The following PKHD1 variants were observed in gnomAD, a reference collection of about 807,000 sequenced individuals.
The protein encoded by PKHD1 is fibrocystin.
Under a neutral mutation model 412.0 loss-of-function variants are expected in PKHD1, and 291 were observed. The ratio of observed to expected loss-of-function variants is 0.71; its 90% CI spans 0.64 to 0.78. PKHD1 has a LOEUF of 0.78. Among genes scored for constraint, PKHD1 ranks in the 30% least tolerant of loss-of-function variants. PKHD1 has a pLI of 0.00. For synonymous variants in PKHD1, 1,777 were observed against 1,821.5 expected, an observed-to-expected ratio of 0.98 and a Z score of 0.62; for missense variants, 4,825 against 4,950.7, an observed-to-expected ratio of 0.97 and a Z score of 0.76.
chr6:51,780,179 A>T (rs955916848), intron 53 of PKHD1, among the ~76,000 whole-genome samples: 2 of 152,152 alleles, frequency 1.3e-5, no homozygotes, highest in Non-Finnish European at 2.9e-5. Context: ...CAAGGTCAAG[A>T]GATCTAGACC....
In PKHD1 at chr6:51,909,339, A is replaced by G. The variant is rs757627773; in HGVS notation, c.6626T>C (p.Leu2209Ser). 27 of 1,613,422 alleles carry G rather than the reference A, an allele frequency of 1.7e-5. No individual in the cohort carries two copies. Among genetic ancestry groups the G allele is most frequent in the Non-Finnish European group, 2.1e-5 (25 of 1,179,650 alleles). Residue 2209 changes from leucine to serine, a missense_variant, in exon 40 of 67, where the codon TTG becomes TCG. By Grantham distance (145) the Leu-to-Ser change is moderately radical (BLOSUM62 -2). Coordinates refer to ENST00000371117, the MANE Select transcript of PKHD1 (RefSeq NM_138694.4). ...VQLKGVQFQV[L>S]GQAFHKHLSS... ...CAGATGCTTATGGAAGGCTTGCCCC[A>G]AGACTTGAAACTGCACTCCCTTCAA...
intron 35 of PKHD1, among the ~76,000 whole-genome samples, chr6:51,996,291 G>T (rs1447086669): frequency 6.6e-6 from 1 of 150,762 alleles, no homozygotes; most frequent in Non-Finnish European, 1.5e-5. Context: ...TTACAGGCAT[G>T]AGCCACCGCT....
intron 50 of PKHD1, among the ~76,000 whole-genome samples, chr6:51,843,486 GA>G (rs34060761): frequency 6.6e-6 from 1 of 152,218 alleles, no homozygotes; most frequent in East Asian, 1.9e-4. Flanking sequence ...AACATCCTTG[GA>G]AAAAAACAGC....
chr6:51,930,347 T>TCAGA (rs10691518), intron 37 of PKHD1, among the ~76,000 whole-genome samples: 5 of 151,506 alleles, frequency 3.3e-5, no homozygotes, highest in African/African-American at 1.2e-4. Flanking sequence ...TCATCTACTC[T>TCAGA]CAAACAGAAA....
rs574176445 is a variant in PKHD1, at chr6:51,852,280, T to C, written c.7911+3613A>G. On this transcript the variant is annotated intron_variant, in intron 49 of 66. Transcript: ENST00000371117. ...GGTCTGAGAGACTGTTTGTTATTAT[T>C]TCAGTTATTTTGCATTTGCTGAGGA... Among the ~76,000 whole-genome samples, 300 of 152,328 alleles carry C rather than the reference T, an allele frequency of 2.0e-3. 1 individual carries two copies. Among genetic ancestry groups the C allele is most frequent in the African/African-American group, 6.8e-3 (284 of 41,570 alleles).
intron 55 of PKHD1, among the ~76,000 whole-genome samples, chr6:51,758,835 A>G (rs541601958): frequency 2.6e-4 from 39 of 152,328 alleles, no homozygotes; most frequent in Non-Finnish European, 4.6e-4. Flanking sequence ...TTATTTACAG[A>G]GAATTTAAAA....
chr6:51,666,773 C>CTA (rs1773876569), intron 60 of PKHD1, among the ~76,000 whole-genome samples: 1 of 149,486 alleles, frequency 6.7e-6, no homozygotes, highest in South Asian at 2.1e-4. Context: ...CAATTCCCAC[C>CTA]TATGAGTGAG....
chr6:52,007,802 C>A (rs1260959532), intron 35 of PKHD1, among the ~76,000 whole-genome samples: 1 of 152,182 alleles, frequency 6.6e-6, no homozygotes, highest in African/African-American at 2.4e-5. Context: ...TTTTTCTGGA[C>A]TCCAGGCCAC....
chr6:51,842,282 G>A (rs1193377535), intron 50 of PKHD1, among the ~76,000 whole-genome samples: 1 of 152,162 alleles, frequency 6.6e-6, no homozygotes, highest in Non-Finnish European at 1.5e-5. Context: ...GAACTCGGGA[G>A]GGCAACTGTG....
intron 60 of PKHD1, among the ~76,000 whole-genome samples, chr6:51,738,962 A>C (rs1235772118): frequency 6.6e-6 from 1 of 151,710 alleles, no homozygotes; most frequent in Non-Finnish European, 1.5e-5. Flanking sequence ...TTTCTAGCCC[A>C]AAACACTATT....
rs148928538 is a variant in PKHD1 at position 52,053,296 on chromosome 6, G to A, written c.1965-45C>T. The A allele has an allele frequency of 2.4e-5, 39 of 1,597,364 alleles. No individual in the cohort carries two copies. In the East Asian group the frequency reaches 7.0e-4, roughly 29 times the overall value. On this transcript the variant is annotated intron_variant, in intron 20 of 66. Coordinates refer to ENST00000371117, the MANE Select transcript of PKHD1 (RefSeq NM_138694.4). ...AGAACTGGGCTCTCAGGGAGCACTTGCAGTCCTCTCCGGTTAGAGCCCTTG... is the reference window on the plus strand; with the variant it reads ...AGAACTGGGCTCTCAGGGAGCACTTACAGTCCTCTCCGGTTAGAGCCCTTG...
At chr6:52,085,047 A>T (rs896158702) in intron 1 of PKHD1, 30 bp from the exon 2 acceptor site, 3 of 799,532 alleles carry the variant, frequency 3.8e-6, no homozygotes, top group Non-Finnish European at 6.7e-6. Flanking sequence ...GCAAAAAAAA[A>T]TTATCATTTT....
intron 37 of PKHD1, among the ~76,000 whole-genome samples, chr6:51,921,028 T>A (rs540213251): frequency 6.6e-6 from 1 of 152,312 alleles, no homozygotes; most frequent in South Asian, 2.1e-4. Context: ...TCTCTATTAG[T>A]CTTGCTAGTG....
At chr6:51,823,582 C>T (rs886888072) in intron 52 of PKHD1, among the ~76,000 whole-genome samples, 4 of 152,058 alleles carry the variant, frequency 2.6e-5, no homozygotes, top group Admixed American at 6.6e-5. Flanking sequence ...TAGCCAGAAA[C>T]AAATGCCATG....
intron 60 of PKHD1, among the ~76,000 whole-genome samples, chr6:51,688,869 C>T (rs1777791355): frequency 6.6e-6 from 1 of 151,974 alleles, no homozygotes; most frequent in Non-Finnish European, 1.5e-5. Flanking sequence ...AGCCTACTAA[C>T]CAAAAAAAGC....
intron 60 of PKHD1, among the ~76,000 whole-genome samples, chr6:51,696,261 G>A (rs1394214815): frequency 6.6e-6 from 1 of 152,162 alleles, no homozygotes; most frequent in Non-Finnish European, 1.5e-5. Flanking sequence ...TAAAGATTTG[G>A]AAGTGATGGG....
chr6:52,015,546 C>T (rs542317765), intron 34 of PKHD1, among the ~76,000 whole-genome samples: 3 of 151,614 alleles, frequency 2.0e-5, no homozygotes, highest in East Asian at 1.9e-4. Flanking sequence ...CACTTTTGGC[C>T]GAGTGCAGTG....
At chr6:51,646,086 C>T (rs138398358) in intron 63 of PKHD1, among the ~76,000 whole-genome samples, 3 of 152,252 alleles carry the variant, frequency 2.0e-5, no homozygotes, top group Admixed American at 2.0e-4. Flanking sequence ...TTGTAATCTC[C>T]AGCTCCCTAT....
chr6:51,837,349 TC>T (rs1769407017), intron 50 of PKHD1, among the ~76,000 whole-genome samples: 1 of 152,196 alleles, frequency 6.6e-6, no homozygotes, highest in Admixed American at 6.5e-5. Context: ...ACTTTTGTTT[TC>T]CTGGAACCCT....
Sources: allele counts gnomAD v4.1 joint callset (sites outside exome capture counted in the v4.1 genomes callset), GRCh38; gene constraint gnomAD v4.1.1; transcripts MANE v1.5; gene names NCBI Gene and HGNC (gene_info 2026-07-23, HGNC 2026-07-21).